Variants in COMMD10 observed in about 807,000 individuals in gnomAD.
COMMD10 encodes the protein COMM domain containing 10.
Under a neutral mutation model 28.9 loss-of-function variants are expected in COMMD10, and 33 were observed. The ratio of observed to expected loss-of-function variants is 1.14; its 90% confidence interval spans 0.87 to 1.53. The LOEUF (loss-of-function observed/expected upper bound fraction) is 1.53, where lower values mean the gene tolerates loss of function less well. Among genes scored for constraint, COMMD10 ranks in the 40% most tolerant of loss-of-function variants. COMMD10 has a pLI of 0.00. For missense variants in COMMD10, 310 were observed against 233.4 expected, an observed-to-expected ratio of 1.33 and a Z score of -2.14; for synonymous variants, 110 against 81.7, an observed-to-expected ratio of 1.35 and a Z score of -1.87.
chr5:116,215,440 C>G (rs1411605083), intron 5 of COMMD10, among the ~76,000 whole-genome samples: 1 of 151,394 alleles, frequency 6.6e-6, no homozygotes, highest in Admixed American at 6.6e-5. Flanking sequence ...AAATATTTTA[C>G]CACTTTGGGA....
At chr5:116,166,420 C>T (rs999696531) in intron 5 of COMMD10, among the ~76,000 whole-genome samples, 1 of 152,096 alleles carries the variant, frequency 6.6e-6, no homozygotes, top group South Asian at 2.1e-4. Flanking sequence ...TTTATTTGCA[C>T]CATGTAATGC....
chr5:116,129,266 C>G (rs910870113), intron 4 of COMMD10, among the ~76,000 whole-genome samples: 1 of 150,258 alleles, frequency 6.7e-6, no homozygotes, highest in African/African-American at 2.4e-5. Context: ...CGTTTTTAAT[C>G]TGTAAAATGG....
intron 5 of COMMD10, among the ~76,000 whole-genome samples, chr5:116,193,326 A>G (rs558494094): frequency 1.3e-5 from 2 of 152,314 alleles, no homozygotes; most frequent in East Asian, 3.9e-4. Flanking sequence ...ATCAATACTG[A>G]CATTGAATGT....
Position 116,158,045 on chromosome 5 carries a change from G to C in COMMD10, c.510+23867G>C, listed in dbSNP as rs530884145. Among the ~76,000 whole-genome samples the C allele has an allele frequency of 3.0e-4, 45 of 151,074 alleles. No homozygotes were observed. In the East Asian group the frequency reaches 7.7e-3, roughly 26 times the overall value. ...ACCTTTTGGGCTGCCATTTCTTCTA[G>C]ATCCTGGCCTGTAAATCATGACTTG... On this transcript the variant is annotated intron_variant, in intron 5 of 6. Transcript: ENST00000274458.
At chr5:116,291,182 A>G (rs989646395) in intron 5 of COMMD10, among the ~76,000 whole-genome samples, 30 of 152,202 alleles carry the variant, frequency 2.0e-4, no homozygotes. Flanking sequence ...CTAGATTTCA[A>G]ACAGACTGCT....
intron 5 of COMMD10, among the ~76,000 whole-genome samples, chr5:116,168,495 T>C (rs1443743965): frequency 1.3e-5 from 2 of 152,168 alleles, no homozygotes; most frequent in Non-Finnish European, 2.9e-5. Flanking sequence ...AATAGACATC[T>C]ACAGAACTCT....
At chr5:116,159,639 A>G (rs1353871724) in intron 5 of COMMD10, among the ~76,000 whole-genome samples, 2 of 152,202 alleles carry the variant, frequency 1.3e-5, no homozygotes, top group African/African-American at 4.8e-5. Flanking sequence ...TGCCCCAAAC[A>G]CTAGATGCTT....
intron 5 of COMMD10, among the ~76,000 whole-genome samples, chr5:116,185,277 C>A (rs1240720849): frequency 1.3e-5 from 2 of 151,892 alleles, no homozygotes; most frequent in African/African-American, 4.8e-5. Flanking sequence ...TGCTCTGAGT[C>A]CTAGGTGTCT....
chr5:116,167,897 A>G (rs982973269), intron 5 of COMMD10, among the ~76,000 whole-genome samples: 5 of 152,224 alleles, frequency 3.3e-5, no homozygotes, highest in Admixed American at 2.6e-4. Context: ...TGTAAAGACC[A>G]TCGACACTAT....
chr5:116,228,958 G>C (rs1197267196), intron 5 of COMMD10, among the ~76,000 whole-genome samples: 1 of 151,840 alleles, frequency 6.6e-6, no homozygotes, highest in Admixed American at 6.6e-5. Context: ...GTATTAGGTA[G>C]GGTAGATTAT....
chr5:116,236,661 G>A (rs944245660), intron 5 of COMMD10, among the ~76,000 whole-genome samples: 16 of 151,942 alleles, frequency 1.1e-4, no homozygotes, highest in Non-Finnish European at 7.4e-5. Flanking sequence ...TGTGAAGAGA[G>A]TAAAAAAGAT....
intron 4 of COMMD10, among the ~76,000 whole-genome samples, chr5:116,112,754 C>A (rs1348280184): frequency 3.3e-5 from 5 of 151,936 alleles, no homozygotes; most frequent in Admixed American, 2.6e-4. Context: ...ACATTTAATC[C>A]ATTTATGTTT....
At chr5:116,145,087 G>A (rs1411936867) in intron 5 of COMMD10, among the ~76,000 whole-genome samples, 2 of 151,840 alleles carry the variant, frequency 1.3e-5, no homozygotes, top group East Asian at 3.9e-4. Flanking sequence ...AGAGAAAGTT[G>A]CAATGATCTG....
At chr5:116,219,167 A>G (rs908426902) in intron 5 of COMMD10, among the ~76,000 whole-genome samples, 7 of 152,100 alleles carry the variant, frequency 4.6e-5, no homozygotes, top group African/African-American at 1.7e-4. Flanking sequence ...AGCTTCCAGA[A>G]CTGAAAGTCT....
intron 5 of COMMD10, among the ~76,000 whole-genome samples, chr5:116,283,193 C>CA (rs1303130573): frequency 6.6e-6 from 1 of 151,846 alleles, no homozygotes; most frequent in East Asian, 1.9e-4. Flanking sequence ...CCTACAAAAA[C>CA]AACCATTCTA....
chr5:116,172,223 TG>T (rs1026539961), intron 5 of COMMD10, among the ~76,000 whole-genome samples: 3 of 152,110 alleles, frequency 2.0e-5, no homozygotes, highest in African/African-American at 7.2e-5. Context: ...TTATTTAATA[TG>T]TAAGGCTGGA....
At chr5:116,263,701 G>A (rs928761645) in intron 5 of COMMD10, among the ~76,000 whole-genome samples, 1 of 151,682 alleles carries the variant, frequency 6.6e-6, no homozygotes, top group East Asian at 1.9e-4. Context: ...AGATAAACTC[G>A]ACCAATTGTC....
chr5:116,246,627 G>A (rs903497626), intron 5 of COMMD10, among the ~76,000 whole-genome samples: 1 of 151,998 alleles, frequency 6.6e-6, no homozygotes, highest in Non-Finnish European at 1.5e-5. Flanking sequence ...CATGGTATTA[G>A]TACAAAAAAA....
At chr5:116,098,291 T>C (rs1407708307) in intron 4 of COMMD10, among the ~76,000 whole-genome samples, 2 of 152,190 alleles carry the variant, frequency 1.3e-5, no homozygotes, top group Admixed American at 1.3e-4. Context: ...CACTGACTTA[T>C]ATGATGAAAA....
Sources: gnomAD v4.1 joint callset for allele counts (sites outside exome capture counted in the v4.1 genomes callset) on GRCh38, gnomAD v4.1.1 for gene constraint, MANE v1.5 for transcripts, NCBI Gene and HGNC (gene_info 2026-07-23, HGNC 2026-07-21) for gene names.